Variants in LRRC43 observed in about 807,000 individuals in gnomAD.
The protein encoded by LRRC43 is leucine rich repeat containing 43, also known as leucine-rich repeat-containing protein 43.
Under a neutral mutation model 64.3 loss-of-function variants are expected in LRRC43, and 62 were observed. That is an observed-to-expected ratio of 0.96 (90% CI 0.79 to 1.19). The LOEUF (loss-of-function observed/expected upper bound fraction) is 1.19. LRRC43 is among the 50% of genes most tolerant of loss of function. The probability of loss-of-function intolerance (pLI) is 0.00; values close to 1 mark genes in which losing one functional copy is unlikely to be tolerated. For missense variants in LRRC43, 868 were observed against 845.0 expected, an observed-to-expected ratio of 1.03 and a Z score of -0.34; for synonymous variants, 422 against 382.3, an observed-to-expected ratio of 1.10 and a Z score of -1.21.
At position 122,184,546 on chromosome 12, in the gene LRRC43, T is replaced by G; in HGVS notation, c.178T>G (p.Trp60Gly). The G allele has an allele frequency of 6.2e-7, 1 of 1,613,664 alleles. No homozygotes were observed. Among genetic ancestry groups the G allele is most frequent in the Non-Finnish European group, 8.5e-7 (1 of 1,179,770 alleles). Residue 60 changes from tryptophan to glycine, a missense_variant, in exon 2 of 12, where the codon TGG becomes GGG. Coordinates refer to ENST00000339777, the MANE Select transcript of LRRC43 (RefSeq NM_001098519.2). This position sits in a 1 kb window ranked among gnomAD's most constrained non-coding sequence, Gnocchi z 4.0. ...TAAGTCGCGCTTTCTTCCTCAAACT[T>G]GGCGAACTTGGAGGGAGCTTGTCCC... ...WNKSRFLPQT[W>G]RTWRELVPRE...
intron 5 of LRRC43, among the ~76,000 whole-genome samples, chr12:122,190,961 C>T (rs1425913651): frequency 6.6e-6 from 1 of 152,068 alleles, no homozygotes; most frequent in Non-Finnish European, 1.5e-5. Flanking sequence ...GAGCGAGACC[C>T]CGTCTCTAAA....
At position 122,172,724 on chromosome 12, in the gene LRRC43, G is replaced by A. The variant is rs7974857; in HGVS notation, c.-406+4942G>A. 2.1e-4 allele frequency: 342 copies of A among 1,610,186 alleles called. 1 individual carries two copies. The highest frequency in any genetic ancestry group is 5.2e-4 in the Middle Eastern group (3 of 5,742). ...GCGTGTAATTCTGGGACACGAGCACGCCCTTCTCTTCCTCCACCTGTGGAA... is the reference window on the plus strand; with the variant it reads ...GCGTGTAATTCTGGGACACGAGCACACCCTTCTCTTCCTCCACCTGTGGAA... On this transcript the variant is annotated intron_variant, in intron 1 of 5. Transcript: ENST00000537729.
chr12:122,203,385 G>T lies in LRRC43; in HGVS notation c.1914G>T (p.Gln638His). 6.2e-7 allele frequency: 1 copy of T among 1,613,302 alleles called. No homozygotes were observed. ...CTGAGCCCCTGACCGTAGAGGTGCA[G>T]ATCCAGCTGAACCAGTGCCGCTCGG... ...YHPEPLTVEV[Q>H]IQLNQCRSAE... The change falls in exon 12 of 12, where the codon CAG (glutamine) becomes CAT (histidine). Residue 638 changes from glutamine to histidine, a missense_variant. Coordinates refer to ENST00000339777, the MANE Select transcript of LRRC43 (RefSeq NM_001098519.2).
In LRRC43 at chr12:122,200,727, T is replaced by C; in HGVS notation, c.1621-19T>C. 1 of 1,613,164 alleles carries C rather than the reference T, an allele frequency of 6.2e-7. No individual in the cohort carries two copies. Among genetic ancestry groups the C allele is most frequent in the South Asian group, 1.1e-5 (1 of 91,068 alleles). Reference sequence around the variant, plus strand: ...CTTGCTTCAACTTGTCCCACCCTCCTGTCCTCCCGTCGTCGCAGGAGTGGA... The same window carrying C: ...CTTGCTTCAACTTGTCCCACCCTCCCGTCCTCCCGTCGTCGCAGGAGTGGA... On this transcript the variant is annotated intron_variant, in intron 9 of 11. Coordinates refer to ENST00000339777, the MANE Select transcript of LRRC43 (RefSeq NM_001098519.2). This position sits in a 1 kb window ranked among gnomAD's most constrained non-coding sequence, Gnocchi z 4.6.
rs1207626312 is a variant in LRRC43, at chr12:122,191,498, T to C, written c.1020T>C (p.Tyr340=). Residue 340 remains tyrosine, a synonymous_variant, in exon 6 of 12, where the codon TAT becomes TAC. Coordinates refer to ENST00000339777, the MANE Select transcript of LRRC43 (RefSeq NM_001098519.2). ...RPEGPFITYN[Y]YVTYDFVKDE... ...AAGGCCCTTTCATCACTTACAACTA[T>C]TACGTGACCTATGATTTTGTGAAAG... The C allele has an allele frequency of 1.2e-6, 2 of 1,613,980 alleles. No individual in the cohort carries two copies. The highest frequency in any genetic ancestry group is 1.7e-6 in the Non-Finnish European group (2 of 1,180,016).
chr12:122,190,159 T>C lies in LRRC43; in HGVS notation c.692T>C (p.Phe231Ser). Residue 231 changes from phenylalanine (F) to serine (S), a missense_variant, in exon 5 of 12, where the codon TTC becomes TCC. Coordinates refer to ENST00000339777, the MANE Select transcript of LRRC43 (RefSeq NM_001098519.2). The stretch of plus-strand genomic sequence containing the variant: ...AACCTCGTCTCCCTGGACCTGGGCT[T>C]CAACGACCTGACAGACCTGCAGAGC... ...WPNLVSLDLG[F>S]NDLTDLQSMV... 1 of 1,614,112 alleles carries C rather than the reference T, an allele frequency of 6.2e-7. No individual in the cohort carries two copies. The highest frequency in any genetic ancestry group is 8.5e-7 in the Non-Finnish European group (1 of 1,180,010).
chr12:122,187,890 G>T, intron 4 of LRRC43, 50 bp downstream of exon 4: 1 of 1,598,528 alleles, frequency 6.3e-7, no homozygotes, highest in Non-Finnish European at 8.6e-7. Flanking sequence ...TAAGTATCAG[G>T]TTGGGGCGAT....
At chr12:122,173,898 A>G (rs761810883) in intron 1 of LRRC43, 9 of 1,614,138 alleles carry the variant, frequency 5.6e-6, no homozygotes, top group Admixed American at 3.3e-5. Context: ...TTTTCTGTAC[A>G]TCATCACTTG....
chr12:122,174,613 A>T (rs1953520908), intron 1 of LRRC43, among the ~76,000 whole-genome samples: 1 of 152,168 alleles, frequency 6.6e-6, no homozygotes, highest in Admixed American at 6.5e-5. Context: ...CGAAGCCGGC[A>T]TGAGATGTGC....
In LRRC43 at chr12:122,186,252, C is replaced by A; in HGVS notation, c.474C>A (p.Ala158=). Reference sequence around the variant, plus strand: ...AGCTGGAGGAGTTGGTACTGAGCGCCAATCGAATCAAGGAGGTGGATGCCA... The same window carrying A: ...AGCTGGAGGAGTTGGTACTGAGCGCAAATCGAATCAAGGAGGTGGATGCCA... The part of the protein sequence containing the change: ...FLKLEELVLS[A]NRIKEVDATN... The change falls in exon 3 of 12, where the codon GCC becomes GCA. Residue 158 remains alanine (A), a synonymous_variant. Coordinates refer to ENST00000339777, the MANE Select transcript of LRRC43 (RefSeq NM_001098519.2). 6.2e-7 allele frequency: 1 copy of A among 1,606,282 alleles called. No individual in the cohort carries two copies. Among genetic ancestry groups the A allele is most frequent in the East Asian group, 2.2e-5 (1 of 44,680 alleles).
At chr12:122,186,340 G>T in intron 3 of LRRC43, 40 bp downstream of exon 3, 1 of 1,326,340 alleles carries the variant, frequency 7.5e-7, no homozygotes, top group Non-Finnish European at 1.1e-6. Context: ...TTGGGCCTCC[G>T]CTGCCCAGAG....
chr12:122,173,061 T>C (rs1953503398), intron 1 of LRRC43, among the ~76,000 whole-genome samples: 1 of 152,082 alleles, frequency 6.6e-6, no homozygotes, highest in Non-Finnish European at 1.5e-5. Context: ...TCCCCGCCCT[T>C]TGGGACTCTG....
At chr12:122,198,080 A>C (rs1327494528) in intron 7 of LRRC43, among the ~76,000 whole-genome samples, 1 of 152,068 alleles carries the variant, frequency 6.6e-6, no homozygotes, top group Non-Finnish European at 1.5e-5. Context: ...TCCCGGGTTC[A>C]AGCGATTCTC....
At chr12:122,182,944 C>A, upstream of LRRC43, 1 of 781,622 alleles carries the variant, frequency 1.3e-6, no homozygotes, top group Non-Finnish European at 1.9e-6. Context: ...GCGCTTACTG[C>A]CTGCGGGAGC....
At chr12:122,189,275 T>A (rs1953684731) in intron 4 of LRRC43, 3 of 361,950 alleles carry the variant, frequency 8.3e-6, no homozygotes, top group South Asian at 6.1e-5. Flanking sequence ...CCTCTCTCCT[T>A]CCCCCGAGGA....
intron 1 of LRRC43, among the ~76,000 whole-genome samples, chr12:122,173,639 G>A (rs1953509268): frequency 6.6e-6 from 1 of 150,746 alleles, no homozygotes; most frequent in Non-Finnish European, 1.5e-5. Flanking sequence ...AGCCAAGATT[G>A]CACCACTGCA....
chr12:122,198,931 C>T (rs1196894075), intron 7 of LRRC43, among the ~76,000 whole-genome samples: 3 of 151,690 alleles, frequency 2.0e-5, no homozygotes, highest in Non-Finnish European at 2.9e-5. Context: ...CTGAGCCCGG[C>T]CCATATCACT....
At chr12:122,196,795 AC>A (rs1296277389) in intron 7 of LRRC43, among the ~76,000 whole-genome samples, 1 of 151,898 alleles carries the variant, frequency 6.6e-6, no homozygotes, top group Non-Finnish European at 1.5e-5. Flanking sequence ...TTGGGCACTT[AC>A]CTTTTCATGA....
chr12:122,168,749 CAACT>C, intron 1 of LRRC43, among the ~76,000 whole-genome samples: 1 of 152,098 alleles, frequency 6.6e-6, no homozygotes, highest in South Asian at 2.1e-4. Context: ...ACTAAACTAC[CAACT>C]GTCTGAATTT....
Sources: allele counts gnomAD v4.1 joint callset (sites outside exome capture counted in the v4.1 genomes callset), GRCh38; gene constraint gnomAD v4.1.1; non-coding constraint Gnocchi (gnomAD v3.1); transcripts MANE v1.5; gene names NCBI Gene and HGNC (gene_info 2026-07-23, HGNC 2026-07-21).